PIGK: variants seen among roughly 807,000 people sequenced by gnomAD.
The protein encoded by PIGK is phosphatidylinositol glycan anchor biosynthesis class K.
In PIGK, 42 loss-of-function variants were observed where a neutral mutation model predicts 50.6. The ratio of observed to expected loss-of-function variants is 0.83; its 90% CI spans 0.65 to 1.07. The LOEUF (loss-of-function observed/expected upper bound fraction) is 1.07. PIGK is among the 50% of genes least tolerant of loss of function. The pLI, the probability that PIGK is intolerant of heterozygous loss-of-function variation, is 0.00. For missense variants in PIGK, 448 were observed against 488.7 expected, an observed-to-expected ratio of 0.92 and a Z score of 0.78; for synonymous variants, 151 against 156.0, an observed-to-expected ratio of 0.97 and a Z score of 0.24.
rs141881551 is a variant in PIGK at position 77,219,382 on chromosome 1, G to A, written c.21C>T (p.Leu7=). 5.1e-4 allele frequency: 827 copies of A among 1,613,658 alleles called. 3 individuals carry two copies. In the African/African-American group the frequency reaches 8.6e-3, roughly 17 times the overall value. The change falls in exon 1 of 11, where the codon CTC becomes CTT. Residue 7 remains leucine (L), a synonymous_variant. Transcript: ENST00000370812. MAVTDS[L]SRAATVLATV... ...TTGCCAAGACAGTCGCAGCCCGGCT[G>A]AGGCTGTCGGTGACGGCCATGTTTA...
At chr1:77,207,056 AC>A (rs1290325927) in intron 2 of PIGK, among the ~76,000 whole-genome samples, 1 of 152,176 alleles carries the variant, frequency 6.6e-6, no homozygotes, top group Non-Finnish European at 1.5e-5. Context: ...AGTTGCAGCT[AC>A]TTGGGAGGCT....
chr1:77,195,143 A>G, intron 3 of PIGK: 1 of 1,227,392 alleles, frequency 8.1e-7, no homozygotes, highest in Non-Finnish European at 1.2e-6. Flanking sequence ...GAGTTCATGA[A>G]TATCATTGCC....
chr1:77,195,249 G>A, intron 3 of PIGK: 1 of 1,268,380 alleles, frequency 7.9e-7, no homozygotes, highest in Admixed American at 1.7e-5. Flanking sequence ...CTGCAGCTGT[G>A]GAGACCTTGG....
intron 3 of PIGK, among the ~76,000 whole-genome samples, chr1:77,192,481 T>A (rs886991035): frequency 2.0e-5 from 3 of 152,090 alleles, no homozygotes; most frequent in Admixed American, 2.0e-4. Flanking sequence ...AAAAATAAAA[T>A]TAAACTTTAC....
At chr1:77,206,921 C>T (rs1024673235) in intron 2 of PIGK, among the ~76,000 whole-genome samples, 190 bp from the exon 3 acceptor site, 8 of 152,196 alleles carry the variant, frequency 5.3e-5, no homozygotes, top group African/African-American at 1.4e-4. Flanking sequence ...AATACCAACA[C>T]TTTGGGAAGC....
chr1:77,133,283 C>G (rs925599676), intron 9 of PIGK, among the ~76,000 whole-genome samples: 1 of 152,030 alleles, frequency 6.6e-6, no homozygotes, highest in Non-Finnish European at 1.5e-5. Context: ...TGCTGTTAAG[C>G]CATCGATTGA....
chr1:77,131,112 G>C (rs903788631), intron 9 of PIGK, among the ~76,000 whole-genome samples: 47 of 151,526 alleles, frequency 3.1e-4, no homozygotes, highest in African/African-American at 1.1e-3. Context: ...ATTTTATTTT[G>C]TCTCCATAAA....
At chr1:77,147,767 C>T (rs1227236541) in intron 9 of PIGK, among the ~76,000 whole-genome samples, 1 of 152,210 alleles carries the variant, frequency 6.6e-6, no homozygotes, top group Non-Finnish European at 1.5e-5. Flanking sequence ...AAGCTTATTA[C>T]AATCAGTCCT....
intron 3 of PIGK, among the ~76,000 whole-genome samples, chr1:77,180,718 G>C: frequency 1.3e-5 from 2 of 150,654 alleles, no homozygotes; most frequent in South Asian, 2.1e-4. Context: ...GGGTGGGGGT[G>C]GGGGGGGCTT....
rs564344835 is a variant in PIGK at position 77,156,627 on chromosome 1, T to C, written c.814-2006A>G. ...AACCCATTATCAAAGAAAAGGATCATCCATTATTCCAACTTCCATGTGTCT... is the reference window on the plus strand; with the variant it reads ...AACCCATTATCAAAGAAAAGGATCACCCATTATTCCAACTTCCATGTGTCT... On this transcript the variant is annotated intron_variant, in intron 8 of 10. Coordinates refer to ENST00000370812, the MANE Select transcript of PIGK (RefSeq NM_005482.3). Among the ~76,000 whole-genome samples, 157 of 152,322 alleles carry C rather than the reference T, an allele frequency of 1.0e-3. 1 individual carries two copies. The highest frequency in any genetic ancestry group is 3.6e-3 in the African/African-American group (148 of 41,584).
intron 10 of PIGK, among the ~76,000 whole-genome samples, chr1:77,095,000 A>G (rs1006910325): frequency 1.3e-5 from 2 of 152,218 alleles, no homozygotes; most frequent in East Asian, 1.9e-4. Flanking sequence ...TATTCACATG[A>G]TAACACTGCA....
chr1:77,092,399 A>G lies in PIGK; in HGVS notation c.1163T>C (p.Ile388Thr), dbSNP rs750717933. 3 of 1,589,500 alleles carry G rather than the reference A, an allele frequency of 1.9e-6. No individual in the cohort carries two copies. Among genetic ancestry groups the G allele is most frequent in the South Asian group, 1.1e-5 (1 of 89,186 alleles). ...IIMVFFKTYG[I>T]KHMKFIF ...CTAAAAAATGAACTTCATATGCTTA[A>G]TTCCATAAGTTTTGAAGAAAACCAT... The change falls in exon 11 of 11, where the codon ATT (isoleucine) becomes ACT (threonine). Residue 388 changes from isoleucine (I) to threonine (T), a missense_variant. Physicochemically the swap from Ile to Thr is moderately conservative, Grantham distance 89. Transcript: ENST00000370812.
At chr1:77,182,728 C>T (rs1259555776) in intron 3 of PIGK, among the ~76,000 whole-genome samples, 1 of 151,938 alleles carries the variant, frequency 6.6e-6, no homozygotes, top group Non-Finnish European at 1.5e-5. Context: ...ATGATCAGTC[C>T]CCAAAATGCT....
intron 10 of PIGK, among the ~76,000 whole-genome samples, chr1:77,112,729 T>C (rs1034134716): frequency 1.3e-5 from 2 of 152,072 alleles, no homozygotes; most frequent in Non-Finnish European, 2.9e-5. Flanking sequence ...CTGTACAGTT[T>C]CTCTACCTTA....
chr1:77,115,338 A>T (rs1308723403), intron 10 of PIGK, among the ~76,000 whole-genome samples: 1 of 152,198 alleles, frequency 6.6e-6, no homozygotes, highest in African/African-American at 2.4e-5. Context: ...ATGTTTGTGT[A>T]TGGGCAGAGA....
At chr1:77,104,284 A>T (rs558209830) in intron 10 of PIGK, among the ~76,000 whole-genome samples, 6 of 152,298 alleles carry the variant, frequency 3.9e-5, no homozygotes, top group African/African-American at 1.4e-4. Flanking sequence ...GAAAAAGATG[A>T]TGATTTCAAT....
In PIGK at chr1:77,166,785, G is replaced by C; in HGVS notation, c.421C>G (p.Pro141Ala). The C allele has an allele frequency of 1.2e-6, 2 of 1,603,208 alleles. No homozygotes were observed. Among genetic ancestry groups the C allele is most frequent in the Middle Eastern group, 1.7e-4 (1 of 6,038 alleles). Residue 141 changes from proline to alanine, a missense_variant, in exon 5 of 11, where the codon CCT becomes GCT. By Grantham distance (27) the Pro-to-Ala change is conservative. Coordinates refer to ENST00000370812, the MANE Select transcript of PIGK (RefSeq NM_005482.3). Reference protein sequence around the residue: ...FLRVLTGRIPPSTPRSKRLLS... With the variant: ...FLRVLTGRIPASTPRSKRLLS... ...AGACGTTTTGACCGAGGAGTACTAG[G>C]TGGGATCCTCCCAGTTAATACCCGT...
At chr1:77,216,761 C>T (rs1656576762) in intron 1 of PIGK, among the ~76,000 whole-genome samples, 2 of 152,056 alleles carry the variant, frequency 1.3e-5, no homozygotes, top group Admixed American at 6.6e-5. Flanking sequence ...AAATTTAGGT[C>T]CTATCTCGCA....
chr1:77,123,619 G>A (rs1570200016), intron 9 of PIGK, among the ~76,000 whole-genome samples: 1 of 152,054 alleles, frequency 6.6e-6, no homozygotes, highest in African/African-American at 2.4e-5. Flanking sequence ...AATGGTGGCT[G>A]CCAGGAGCTG....
Sources: gnomAD v4.1 joint callset for allele counts (sites outside exome capture counted in the v4.1 genomes callset) on GRCh38, gnomAD v4.1.1 for gene constraint, MANE v1.5 for transcripts, NCBI Gene and HGNC (gene_info 2026-07-23, HGNC 2026-07-21) for gene names.